PCP4: variants seen among roughly 807,000 people sequenced by gnomAD.
PCP4 encodes calmodulin regulator protein PCP4.
A neutral mutation model predicts 10.0 loss-of-function variants in PCP4; 8 were observed. The observed-to-expected ratio is 0.80, with a 90% CI of 0.47 to 1.45. The LOEUF is 1.45. Among genes scored for constraint, PCP4 ranks in the 40% most tolerant of loss-of-function variants. The probability of loss-of-function intolerance (pLI) is 0.00; values close to 1 mark genes in which losing one functional copy is unlikely to be tolerated. For missense variants in PCP4, 54 were observed against 74.4 expected, an observed-to-expected ratio of 0.73 and a Z score of 1.01; for synonymous variants, 21 against 23.0, an observed-to-expected ratio of 0.91 and a Z score of 0.24.
At chr21:39,888,041 C>T (rs927212982) in intron 1 of PCP4, among the ~76,000 whole-genome samples, 6 of 152,132 alleles carry the variant, frequency 3.9e-5, no homozygotes, top group South Asian at 4.1e-4. Flanking sequence ...AACTGCTTGT[C>T]GAGATGCTGC....
At chr21:39,879,940 G>A (rs1442179559) in intron 1 of PCP4, among the ~76,000 whole-genome samples, 1 of 152,184 alleles carries the variant, frequency 6.6e-6, no homozygotes, top group Non-Finnish European at 1.5e-5. Context: ...GGGCCCTTCT[G>A]AGAGTGGTCC....
intron 1 of PCP4, among the ~76,000 whole-genome samples, chr21:39,868,354 T>C (rs1006383564): frequency 2.6e-5 from 4 of 152,220 alleles, no homozygotes; most frequent in African/African-American, 9.6e-5. Context: ...TTTTGACAGA[T>C]GGATGATTCT....
chr21:39,876,848 A>G lies in PCP4; in HGVS notation c.9+9338A>G, dbSNP rs79293340. Among the ~76,000 whole-genome samples, 421 of 152,334 alleles carry G rather than the reference A, an allele frequency of 2.8e-3. 14 individuals are homozygous for G. The East Asian group carries it at 0.067, about 24-fold the overall frequency. ...ACTGCCTGGAGTTGTGCTGTGAACA[A>G]CCTATGCCACTGAACATGGTGGCTC... On this transcript the variant is annotated intron_variant, in intron 1 of 2. Transcript: ENST00000328619.
intron 1 of PCP4, among the ~76,000 whole-genome samples, chr21:39,882,104 C>T (rs10483059): frequency 0.04 from 6,090 of 152,310 alleles, 431 homozygotes; most frequent in African/African-American, 0.14. Context: ...AGCCTTGTGA[C>T]TTGGTGCAAA....
intron 1 of PCP4, among the ~76,000 whole-genome samples, chr21:39,888,840 G>A (rs2087414576): frequency 6.6e-6 from 1 of 152,202 alleles, no homozygotes; most frequent in Non-Finnish European, 1.5e-5. Context: ...CTGAGTCTGG[G>A]TACCTGTCTG....
chr21:39,893,008 C>T (rs763908375), intron 1 of PCP4, among the ~76,000 whole-genome samples: 6 of 152,132 alleles, frequency 3.9e-5, no homozygotes, highest in Admixed American at 1.3e-4. Context: ...CTCGTAGACA[C>T]GGAGGGTAGA....
At position 39,919,235 on chromosome 21, in the gene PCP4, A is replaced by G. The variant is rs540501658; in HGVS notation, c.62-9749A>G. Among the ~76,000 whole-genome samples the G allele has an allele frequency of 2.6e-5, 4 of 152,302 alleles. No individual in the cohort carries two copies. The South Asian group carries it at 8.3e-4, about 32-fold the overall frequency. On this transcript the variant is annotated intron_variant, in intron 2 of 2. Coordinates refer to ENST00000328619, the MANE Select transcript of PCP4 (RefSeq NM_006198.3). ...CGGTGTGGCCGAGGGGATCCCAGCTAAGAGGGCCCCAGCAGCACAGAACTC... is the reference window on the plus strand; with the variant it reads ...CGGTGTGGCCGAGGGGATCCCAGCTGAGAGGGCCCCAGCAGCACAGAACTC...
intron 1 of PCP4, among the ~76,000 whole-genome samples, chr21:39,874,098 C>T (rs2087333116): frequency 6.6e-6 from 1 of 152,172 alleles, no homozygotes; most frequent in Non-Finnish European, 1.5e-5. Context: ...GGAAGGTAAT[C>T]ATCCACAAAT....
rs139969695 is a variant in PCP4, at chr21:39,926,588, A to T, written c.62-2396A>T. Reference sequence around the variant, plus strand: ...AGGATTTGGGACTATAAACCATCTTATGAAAAATGACAACTCCCAGTGCTG... The same window carrying T: ...AGGATTTGGGACTATAAACCATCTTTTGAAAAATGACAACTCCCAGTGCTG... On this transcript the variant is annotated intron_variant, in intron 2 of 2. Coordinates refer to ENST00000328619, the MANE Select transcript of PCP4 (RefSeq NM_006198.3). Among the ~76,000 whole-genome samples the T allele has an allele frequency of 4.1e-4, 63 of 152,292 alleles. 1 individual carries two copies. In the East Asian group the frequency reaches 0.011, roughly 28 times the overall value.
chr21:39,908,658 G>C (rs1190737924), intron 2 of PCP4, among the ~76,000 whole-genome samples: 1 of 152,132 alleles, frequency 6.6e-6, no homozygotes, highest in Non-Finnish European at 1.5e-5. Flanking sequence ...TGACTCCCCA[G>C]CTGCCTCGGC....
intron 1 of PCP4, among the ~76,000 whole-genome samples, chr21:39,879,547 T>C (rs760810582): frequency 2.0e-5 from 3 of 152,300 alleles, no homozygotes; most frequent in South Asian, 2.1e-4. Flanking sequence ...GAATTTCACA[T>C]GACAAAATAT....
At chr21:39,880,160 A>G (rs1011680363) in intron 1 of PCP4, among the ~76,000 whole-genome samples, 29 of 149,390 alleles carry the variant, frequency 1.9e-4, no homozygotes, top group Admixed American at 1.9e-3. Flanking sequence ...ATCTATATCT[A>G]TATCTATATC....
At chr21:39,915,795 T>C (rs899414826) in intron 2 of PCP4, among the ~76,000 whole-genome samples, 5 of 152,228 alleles carry the variant, frequency 3.3e-5, no homozygotes, top group African/African-American at 1.2e-4. Flanking sequence ...CAAATCCTAG[T>C]TGCAGGGACA....
chr21:39,900,433 G>C (rs2146338560), intron 2 of PCP4, among the ~76,000 whole-genome samples: 1 of 152,266 alleles, frequency 6.6e-6, no homozygotes, highest in African/African-American at 2.4e-5. Flanking sequence ...TGTTTGTCAT[G>C]CTGGAACCCT....
intron 2 of PCP4, among the ~76,000 whole-genome samples, chr21:39,928,157 T>C (rs527819088): frequency 3.7e-4 from 56 of 152,294 alleles, no homozygotes; most frequent in African/African-American, 1.3e-3. Context: ...CAGCATACAC[T>C]ATACACTCTA....
intron 1 of PCP4, among the ~76,000 whole-genome samples, chr21:39,888,289 C>T (rs1285852926): frequency 1.3e-5 from 2 of 152,240 alleles, no homozygotes; most frequent in South Asian, 2.1e-4. Flanking sequence ...CAGGGGCCAA[C>T]AGAAGTCAGA....
chr21:39,867,538 A>T (rs765790360), intron 1 of PCP4, 28 bp downstream of exon 1: 3 of 1,612,660 alleles, frequency 1.9e-6, no homozygotes, highest in Non-Finnish European at 2.5e-6. Context: ...CTGGAGAGGG[A>T]AACTTAGGAG....
rs571856361 is a variant in PCP4, at chr21:39,898,324, C to T, written c.10-152C>T. 4.0e-6 allele frequency: 3 copies of T among 748,698 alleles called. No individual in the cohort carries two copies. In the East Asian group the frequency reaches 7.5e-5, roughly 19 times the overall value. 46.4% of individuals were successfully genotyped at this position (748,698 alleles called of 1,614,324 possible). On this transcript the variant is annotated intron_variant, in intron 1 of 2. Transcript: ENST00000328619. Reference sequence around the variant, plus strand: ...ACATCCTTTCTTGGTGGATCCATTCCTACTCTCACTAGCACAGTGCTTTAG... The same window carrying T: ...ACATCCTTTCTTGGTGGATCCATTCTTACTCTCACTAGCACAGTGCTTTAG...
chr21:39,917,856 G>T (rs1481553977), intron 2 of PCP4, among the ~76,000 whole-genome samples: 1 of 152,124 alleles, frequency 6.6e-6, no homozygotes, highest in Admixed American at 6.5e-5. Context: ...TGGAGATAGG[G>T]TCTTTATAGA....
Sources: gnomAD v4.1 joint callset for allele counts (sites outside exome capture counted in the v4.1 genomes callset) on GRCh38, gnomAD v4.1.1 for gene constraint, MANE v1.5 for transcripts, NCBI Gene and HGNC (gene_info 2026-07-23, HGNC 2026-07-21) for gene names.